ARL6IP6: variants seen among roughly 807,000 people sequenced by gnomAD.
ARL6IP6 encodes the protein ARF like GTPase 6 interacting protein 6.
Under a neutral mutation model 21.5 loss-of-function variants are expected in ARL6IP6, and 22 were observed. That is an observed-to-expected ratio of 1.02 (90% CI 0.73 to 1.46). The LOEUF is 1.46. Ranked by LOEUF, ARL6IP6 falls within the 40% of genes most tolerant of loss-of-function variation. ARL6IP6 has a pLI of 0.00. For missense variants in ARL6IP6, 388 were observed against 299.8 expected (o/e 1.29, Z -2.17); for synonymous variants, 164 against 125.3 (o/e 1.31, Z -2.06).
At chr2:152,729,089 T>C (rs960513564) in intron 2 of ARL6IP6, among the ~76,000 whole-genome samples, 1 of 151,990 alleles carries the variant, frequency 6.6e-6, no homozygotes, top group African/African-American at 2.4e-5. Context: ...TACATCACTT[T>C]GGCTGGGCAC....
rs139911199 is a variant in ARL6IP6 at position 152,752,403 on chromosome 2, A to G, written c.588-7344A>G. On this transcript the variant is annotated intron_variant, in intron 3 of 3. Coordinates refer to ENST00000326446, the MANE Select transcript of ARL6IP6 (RefSeq NM_152522.7). ...GCCAGGTTTGGTCATGCGTGCCTCT[A>G]GTACCAGGGTTACTTTTAGGAATGC... Among the ~76,000 whole-genome samples the G allele has an allele frequency of 2.0e-3, 299 of 152,346 alleles. 2 individuals are homozygous for G. Among genetic ancestry groups the G allele is most frequent in the Non-Finnish European group, 2.2e-3 (148 of 68,026 alleles).
chr2:152,737,854 C>CA (rs947048046), intron 3 of ARL6IP6, among the ~76,000 whole-genome samples: 1 of 152,110 alleles, frequency 6.6e-6, no homozygotes, highest in Admixed American at 6.5e-5. Flanking sequence ...TGACCTCTCC[C>CA]AAATCTCATG....
chr2:152,718,899 C>T lies in ARL6IP6; in HGVS notation c.275C>T (p.Pro92Leu), dbSNP rs573551351. The stretch of plus-strand genomic sequence containing the variant: ...CCCGATAAGCGCAATGGTATCTTTC[C>T]CGCGGCCGCGGGCAGCAGAGCCCAG... ...VLPDKRNGIFPAAAGSRAQPR... is the reference protein window; with the variant it reads ...VLPDKRNGIFLAAAGSRAQPR... Residue 92 changes from proline (P) to leucine (L), a missense_variant, in exon 1 of 4, where the codon CCC becomes CTC. Pro to Leu is a moderately conservative substitution (Grantham distance 98). Coordinates refer to ENST00000326446, the MANE Select transcript of ARL6IP6 (RefSeq NM_152522.7). 4 of 1,613,924 alleles carry T rather than the reference C, an allele frequency of 2.5e-6. No homozygotes were observed. Among genetic ancestry groups the T allele is most frequent in the African/African-American group, 1.3e-5 (1 of 75,052 alleles).
chr2:152,729,275 C>T (rs1407540220), intron 2 of ARL6IP6, among the ~76,000 whole-genome samples: 1 of 150,408 alleles, frequency 6.6e-6, no homozygotes, highest in Non-Finnish European at 1.5e-5. Context: ...GAGGCTGTGC[C>T]AGAGAATTGC....
At position 152,760,399 on chromosome 2, in the gene ARL6IP6, T is replaced by A. The variant is rs990727832; in HGVS notation, c.*559T>A. On this transcript the variant is annotated 3_prime_UTR_variant, in exon 4 of 4. Coordinates refer to ENST00000326446, the MANE Select transcript of ARL6IP6 (RefSeq NM_152522.7). ...ATATTTTTTATGGGGCATAGTTCCT[T>A]ATGTGTTTTTTTAATGTATTTTCAT... The A allele has an allele frequency of 4.6e-5, 7 of 152,198 alleles. No homozygotes were observed. The highest frequency in any genetic ancestry group is 1.7e-4 in the African/African-American group (7 of 41,450). The allele number at this position is 152,198 out of a possible 1,614,324, so 9.4% of individuals were successfully genotyped here. A position where few individuals can be genotyped will look rare whatever the true frequency, so the allele number is the denominator to read the frequency against.
At chr2:152,726,390 A>T (rs1700052884) in intron 2 of ARL6IP6, among the ~76,000 whole-genome samples, 1 of 152,188 alleles carries the variant, frequency 6.6e-6, no homozygotes, top group African/African-American at 2.4e-5. Flanking sequence ...CTCATGTTGC[A>T]TTGGCAGGAG....
In ARL6IP6 at chr2:152,718,732, C is replaced by T. The variant is rs201493516; in HGVS notation, c.108C>T (p.Ser36=). ...ATTCCTCCTTTACTCAGGGGGACAG[C>T]TGGGGTGAAGGCGAAGTCGACGAGG... is the stretch of plus-strand genomic sequence containing the variant. ...PSYSSFTQGD[S]WGEGEVDEEE... Residue 36 remains serine (S), a synonymous_variant, in exon 1 of 4, where the codon AGC becomes AGT. Coordinates refer to ENST00000326446, the MANE Select transcript of ARL6IP6 (RefSeq NM_152522.7). 13 of 1,610,758 alleles carry T rather than the reference C, an allele frequency of 8.1e-6. No individual in the cohort carries two copies. The Admixed American group carries it at 1.9e-4, about 23-fold the overall frequency.
intron 3 of ARL6IP6, among the ~76,000 whole-genome samples, chr2:152,741,614 G>A (rs895119910): frequency 6.6e-6 from 1 of 152,032 alleles, no homozygotes; most frequent in Admixed American, 6.6e-5. Flanking sequence ...AGAAATAAAA[G>A]CATTTTCCTT....
chr2:152,749,029 A>C (rs750977715), intron 3 of ARL6IP6, among the ~76,000 whole-genome samples: 2 of 152,176 alleles, frequency 1.3e-5, no homozygotes, highest in Non-Finnish European at 2.9e-5. Context: ...TTATGCTTCA[A>C]AATATAAGAA....
chr2:152,740,950 A>C (rs1220383833), intron 3 of ARL6IP6, among the ~76,000 whole-genome samples: 1 of 152,110 alleles, frequency 6.6e-6, no homozygotes, highest in Non-Finnish European at 1.5e-5. Context: ...TCTCTATGTC[A>C]CCAGTAGAGT....
chr2:152,731,410 G>C (rs1007157836), intron 2 of ARL6IP6, among the ~76,000 whole-genome samples: 19 of 152,138 alleles, frequency 1.2e-4, no homozygotes, highest in African/African-American at 4.6e-4. Context: ...GCTAAAATAA[G>C]ACTGGTGGAT....
chr2:152,737,417 TATTAA>T (rs1700601270), intron 3 of ARL6IP6, among the ~76,000 whole-genome samples: 1 of 152,216 alleles, frequency 6.6e-6, no homozygotes. Context: ...TTGCATTTTG[TATTAA>T]ATTAGAATCA....
chr2:152,749,806 G>A (rs1701235079), intron 3 of ARL6IP6, among the ~76,000 whole-genome samples: 1 of 152,092 alleles, frequency 6.6e-6, no homozygotes, highest in Admixed American at 6.6e-5. Context: ...ATTATTGAAA[G>A]GAATTCTCTA....
intron 3 of ARL6IP6, among the ~76,000 whole-genome samples, chr2:152,755,799 C>G (rs958889431): frequency 6.6e-6 from 1 of 152,180 alleles, no homozygotes; most frequent in African/African-American, 2.4e-5. Flanking sequence ...TCTTTTATCT[C>G]TTTGTCTTGT....
chr2:152,752,112 C>T (rs930134257), intron 3 of ARL6IP6, among the ~76,000 whole-genome samples: 5 of 152,176 alleles, frequency 3.3e-5, no homozygotes, highest in African/African-American at 1.2e-4. Context: ...AGGTCCTTTC[C>T]TTTCCCTTAT....
At chr2:152,755,630 C>T (rs1009219075) in intron 3 of ARL6IP6, among the ~76,000 whole-genome samples, 4 of 152,222 alleles carry the variant, frequency 2.6e-5, no homozygotes, top group South Asian at 2.1e-4. Context: ...CCAGTGGACA[C>T]GTGACCCACG....
chr2:152,745,124 T>G (rs980309231), intron 3 of ARL6IP6, among the ~76,000 whole-genome samples: 5 of 152,212 alleles, frequency 3.3e-5, no homozygotes, highest in African/African-American at 1.2e-4. Context: ...CATTCAGGAT[T>G]CAGTATTGGC....
intron 2 of ARL6IP6, among the ~76,000 whole-genome samples, chr2:152,724,247 T>C (rs1699933046): frequency 6.6e-6 from 1 of 152,122 alleles, no homozygotes; most frequent in African/African-American, 2.4e-5. Flanking sequence ...TAACTTGCAA[T>C]AAGAAAAACT....
intron 2 of ARL6IP6, among the ~76,000 whole-genome samples, chr2:152,729,012 T>C (rs113784519): frequency 0.054 from 7,962 of 147,160 alleles, 534 homozygotes; most frequent in African/African-American, 0.16. Context: ...GAGCCGAGAT[T>C]GCGCCACTGC....
Sources: gnomAD v4.1 joint callset for allele counts (sites outside exome capture counted in the v4.1 genomes callset) on GRCh38, gnomAD v4.1.1 for gene constraint, MANE v1.5 for transcripts, NCBI Gene and HGNC (gene_info 2026-07-23, HGNC 2026-07-21) for gene names.